Variants in TACC2 observed in about 807,000 individuals in gnomAD.
The protein encoded by TACC2 is transforming acidic coiled-coil-containing protein 2.
In TACC2, 137 loss-of-function variants were observed where a neutral mutation model predicts 227.3. That is an observed-to-expected ratio of 0.60 (90% confidence interval 0.52 to 0.69). The LOEUF (loss-of-function observed/expected upper bound fraction) is 0.69. Ranked by LOEUF, TACC2 falls within the 30% of genes least tolerant of loss-of-function variation. TACC2 has a pLI of 0.00. For synonymous variants in TACC2, 1,523 were observed against 1,487.5 expected, an observed-to-expected ratio of 1.02 and a Z score of -0.55; for missense variants, 3,470 against 3,694.4, an observed-to-expected ratio of 0.94 and a Z score of 1.57.
chr10:122,215,629 C>T (rs1212726063), intron 10 of TACC2, among the ~76,000 whole-genome samples, 178 bp downstream of exon 10: 2 of 151,940 alleles, frequency 1.3e-5, no homozygotes, highest in East Asian at 1.9e-4. Context: ...CTTCACTTTG[C>T]GGAAGATCAG....
At position 122,001,367 on chromosome 10, in the gene TACC2, G is replaced by A. The variant is rs1053934106; in HGVS notation, c.-46+11879G>A. On this transcript the variant is annotated intron_variant, in intron 1 of 22. Coordinates refer to ENST00000369005, the MANE Select transcript of TACC2 (RefSeq NM_206862.4). Reference sequence around the variant, plus strand: ...TGGCAGGCAAGAGAACTTGTGTAGGGAAACTTCCCTTTATAAAACCATCAG... The same window carrying A: ...TGGCAGGCAAGAGAACTTGTGTAGGAAAACTTCCCTTTATAAAACCATCAG... Among the ~76,000 whole-genome samples, 18 of 152,124 alleles carry A rather than the reference G, an allele frequency of 1.2e-4. 1 individual carries two copies. The highest frequency in any genetic ancestry group is 6.6e-4 in the Admixed American group (10 of 15,264).
At chr10:122,126,404 T>C (rs1434650145) in intron 5 of TACC2, among the ~76,000 whole-genome samples, 2 of 151,158 alleles carry the variant, frequency 1.3e-5, no homozygotes, top group Non-Finnish European at 2.9e-5. Context: ...GTGGTTCTTA[T>C]GTCCTTTGAC....
At chr10:122,169,097 G>A (rs1241194824) in intron 7 of TACC2, among the ~76,000 whole-genome samples, 2 of 152,218 alleles carry the variant, frequency 1.3e-5, no homozygotes, top group Non-Finnish European at 2.9e-5. Context: ...CATCTATCCT[G>A]TGTTGGAAGC....
At chr10:122,015,861 C>T (rs979268612) in intron 1 of TACC2, among the ~76,000 whole-genome samples, 1 of 151,954 alleles carries the variant, frequency 6.6e-6, no homozygotes, top group Admixed American at 6.6e-5. Flanking sequence ...CTTTCCTCTT[C>T]CTTCATCACA....
At chr10:122,126,385 C>T (rs1008793754) in intron 5 of TACC2, among the ~76,000 whole-genome samples, 9 of 142,288 alleles carry the variant, frequency 6.3e-5, no homozygotes, top group Admixed American at 2.3e-4. Context: ...CAGTGGCAGC[C>T]CCTTTTAGGT....
intron 1 of TACC2, among the ~76,000 whole-genome samples, chr10:122,006,901 GC>G: frequency 8.5e-6 from 1 of 117,744 alleles, no homozygotes; most frequent in South Asian, 2.8e-4. Flanking sequence ...TGCCCTTGTT[GC>G]CCAGGCTGGA....
At chr10:122,111,937 T>C (rs2083684926) in intron 5 of TACC2, among the ~76,000 whole-genome samples, 1 of 87,836 alleles carries the variant, frequency 1.1e-5, no homozygotes, top group South Asian at 3.3e-4. Flanking sequence ...GGAATCTATT[T>C]AAGTTTCCAT....
chr10:122,112,307 G>A (rs767367967), intron 5 of TACC2, among the ~76,000 whole-genome samples: 1 of 152,200 alleles, frequency 6.6e-6, no homozygotes. Context: ...GTCAGTGAAG[G>A]AGTTAGTTAG....
chr10:122,048,377 T>A (rs890393625), intron 2 of TACC2, among the ~76,000 whole-genome samples: 2 of 151,312 alleles, frequency 1.3e-5, no homozygotes, highest in Admixed American at 6.6e-5. Flanking sequence ...GAGCCTTATT[T>A]TTTTTTTCTC....
chr10:122,121,148 C>T (rs1357230789), intron 5 of TACC2, among the ~76,000 whole-genome samples: 2 of 152,180 alleles, frequency 1.3e-5, no homozygotes, highest in African/African-American at 4.8e-5. Flanking sequence ...GAGACTCACA[C>T]CTGGATGTGC....
chr10:122,232,226 A>T (rs1232226793), intron 16 of TACC2, among the ~76,000 whole-genome samples: 1 of 152,242 alleles, frequency 6.6e-6, no homozygotes, highest in Admixed American at 6.5e-5. Flanking sequence ...TTATTTCTAG[A>T]CATCCTTGGG....
chr10:122,108,619 T>C (rs1193249443), intron 5 of TACC2, among the ~76,000 whole-genome samples: 2 of 147,280 alleles, frequency 1.4e-5, no homozygotes, highest in Non-Finnish European at 3.0e-5. Context: ...CTAATTTTTG[T>C]ATGTTTAGTA....
At position 122,082,911 on chromosome 10, in the gene TACC2, T is replaced by C; in HGVS notation, c.411T>C (p.Ser137=). 1 of 1,613,102 alleles carries C rather than the reference T, an allele frequency of 6.2e-7. No individual in the cohort carries two copies. Among genetic ancestry groups the C allele is most frequent in the Non-Finnish European group, 8.5e-7 (1 of 1,180,008 alleles). Residue 137 remains serine, a synonymous_variant, in exon 4 of 23, where the codon TCT becomes TCC. Transcript: ENST00000369005. The part of the protein sequence containing the change: ...AAPEDGPQTQ[S]PRREPAPNAP... ...CTGAAGATGGTCCTCAGACTCAGTC[T>C]CCCAGGAGGGAACCTGCCCCAAATG...
chr10:121,995,888 A>G (rs775642541), intron 1 of TACC2, among the ~76,000 whole-genome samples: 140 of 151,848 alleles, frequency 9.2e-4, no homozygotes, highest in Non-Finnish European at 2.5e-4. Context: ...TGAGTAGCTG[A>G]GACTACAGGT....
intron 1 of TACC2, among the ~76,000 whole-genome samples, chr10:122,009,469 A>G (rs1955657073): frequency 6.6e-6 from 1 of 151,830 alleles, no homozygotes; most frequent in South Asian, 2.1e-4. Context: ...GTGCCACTGC[A>G]TTCCAGCCTG....
At chr10:122,054,511 C>T (rs1363873700) in intron 3 of TACC2, among the ~76,000 whole-genome samples, 1 of 152,214 alleles carries the variant, frequency 6.6e-6, no homozygotes, top group Non-Finnish European at 1.5e-5. Flanking sequence ...CCTTAAGACA[C>T]AACTGATTTT....
chr10:122,187,432 A>G (rs867997354), intron 7 of TACC2, among the ~76,000 whole-genome samples: 1 of 152,312 alleles, frequency 6.6e-6, no homozygotes, highest in East Asian at 1.9e-4. Flanking sequence ...TTGACCAAGT[A>G]AAATAGAGGA....
chr10:122,217,107 A>G (rs571829739), intron 11 of TACC2, among the ~76,000 whole-genome samples: 2 of 151,780 alleles, frequency 1.3e-5, no homozygotes, highest in East Asian at 3.9e-4. Flanking sequence ...CTGAGCGCCC[A>G]CTCGAGCTTT....
intron 6 of TACC2, among the ~76,000 whole-genome samples, chr10:122,139,845 G>T (rs113612053): frequency 5.9e-5 from 9 of 152,298 alleles, no homozygotes; most frequent in African/African-American, 2.2e-4. Context: ...CACCTTGGGG[G>T]CTGTTATCAC....
Sources: allele counts gnomAD v4.1 joint callset (sites outside exome capture counted in the v4.1 genomes callset), GRCh38; gene constraint gnomAD v4.1.1; transcripts MANE v1.5; gene names NCBI Gene and HGNC (gene_info 2026-07-23, HGNC 2026-07-21).